METTL8: variants seen among roughly 807,000 people sequenced by gnomAD.
METTL8 encodes the protein tRNA N(3)-cytidine methyltransferase METTL8, mitochondrial.
Under a neutral mutation model 48.7 loss-of-function variants are expected in METTL8, and 32 were observed. That is an observed-to-expected ratio of 0.66 (90% CI 0.50 to 0.88). The LOEUF is 0.88. Among genes scored for constraint, METTL8 ranks in the 40% least tolerant of loss-of-function variants. METTL8 has a pLI of 0.00. For missense variants in METTL8, 464 were observed against 474.4 expected, an observed-to-expected ratio of 0.98 and a Z score of 0.20; for synonymous variants, 136 against 157.1, an observed-to-expected ratio of 0.87 and a Z score of 1.01.
intron 3 of METTL8, among the ~76,000 whole-genome samples, 189 bp from the exon 4 acceptor site, chr2:171,339,743 C>T (rs1304098271): frequency 1.3e-5 from 2 of 152,132 alleles, no homozygotes; most frequent in African/African-American, 4.8e-5. Context: ...TTAATTCTCT[C>T]AAAATGTGTC....
At position 171,356,956 on chromosome 2, in the gene METTL8, T is replaced by TTTTTTTTTTGTTTTG. The variant is rs1559101824; in HGVS notation, c.235+3465_235+3466insCAAAACAAAAAAAAA. ...TTAGCCTTGTTCAAAGACAATATTT[T>TTTTTTTTTTGTTTTG]TTTTTTTTTTTTTGAGACAGGGTCT... On this transcript the variant is annotated intron_variant, in intron 3 of 9. Coordinates refer to ENST00000375258, the MANE Select transcript of METTL8 (RefSeq NM_001321154.2). Among the ~76,000 whole-genome samples the TTTTTTTTTTGTTTTG allele has an allele frequency of 5.7e-5, 7 of 121,754 alleles. 1 individual carries two copies. The highest frequency in any genetic ancestry group is 1.2e-4 in the Non-Finnish European group (7 of 57,082). The allele number at this position is 121,754 out of a possible 152,430, so 79.9% of individuals were successfully genotyped here. A position where few individuals can be genotyped will look rare whatever the true frequency, so the allele number is the denominator to read the frequency against.
At position 171,330,542 on chromosome 2, in the gene METTL8, C is replaced by G. The variant is rs966617880; in HGVS notation, c.860+17G>C. ...AGGAGCTTTACACATCCACTTTGCCCTTTCGTCTTCATTTACCTGTCAGGA... is the reference window on the plus strand; with the variant it reads ...AGGAGCTTTACACATCCACTTTGCCGTTTCGTCTTCATTTACCTGTCAGGA... On this transcript the variant is annotated intron_variant, in intron 7 of 9. Coordinates refer to ENST00000375258, the MANE Select transcript of METTL8 (RefSeq NM_001321154.2). The G allele has an allele frequency of 1.6e-5, 25 of 1,610,214 alleles. No individual in the cohort carries two copies. Among genetic ancestry groups the G allele is most frequent in the Non-Finnish European group, 2.0e-5 (24 of 1,178,732 alleles).
intron 3 of METTL8, among the ~76,000 whole-genome samples, chr2:171,343,816 CATT>C (rs1419733854): frequency 6.6e-6 from 1 of 152,176 alleles, no homozygotes; most frequent in Non-Finnish European, 1.5e-5. Flanking sequence ...GAACATTAAA[CATT>C]ATCAGTTCTA....
At chr2:171,410,557 G>A (rs1690649136) in intron 1 of METTL8, among the ~76,000 whole-genome samples, 1 of 152,160 alleles carries the variant, frequency 6.6e-6, no homozygotes. Context: ...CAAAATAAGT[G>A]CTGTCCCTTC....
chr2:171,361,628 A>C (rs891034354), intron 2 of METTL8, among the ~76,000 whole-genome samples: 1 of 152,210 alleles, frequency 6.6e-6, no homozygotes, highest in Non-Finnish European at 1.5e-5. Context: ...ATAGGGTTAT[A>C]ATCATGTCCA....
chr2:171,434,306 G>A (rs1693590182), upstream of METTL8: 3 of 622,544 alleles, frequency 4.8e-6, no homozygotes, highest in East Asian at 1.1e-4. Context: ...CGCGGTACCG[G>A]AGCGTCGCAC....
intron 1 of METTL8, among the ~76,000 whole-genome samples, chr2:171,426,522 A>G (rs1195108271): frequency 6.6e-6 from 1 of 152,208 alleles, no homozygotes; most frequent in African/African-American, 2.4e-5. Context: ...TTATTTGTAT[A>G]TTATGCTATG....
chr2:171,343,773 G>A (rs1687009213), intron 3 of METTL8, among the ~76,000 whole-genome samples: 1 of 152,122 alleles, frequency 6.6e-6, no homozygotes, highest in Non-Finnish European at 1.5e-5. Flanking sequence ...AAAATTCTGT[G>A]TACTTTCCTA....
intron 3 of METTL8, among the ~76,000 whole-genome samples, chr2:171,345,263 C>G (rs1687154764): frequency 6.6e-6 from 1 of 152,112 alleles, no homozygotes; most frequent in Non-Finnish European, 1.5e-5. Context: ...AGAATTCATT[C>G]TGAATCACAC....
chr2:171,393,775 C>T (rs1458866277), intron 1 of METTL8, among the ~76,000 whole-genome samples: 1 of 152,138 alleles, frequency 6.6e-6, no homozygotes, highest in Non-Finnish European at 1.5e-5. Flanking sequence ...ATATACTGTG[C>T]ACTCTTTACC....
At chr2:171,405,542 T>A (rs971429326) in intron 1 of METTL8, among the ~76,000 whole-genome samples, 29 of 152,312 alleles carry the variant, frequency 1.9e-4, no homozygotes, top group African/African-American at 7.0e-4. Context: ...TGTAGATGAC[T>A]GACAGGCAGA....
At chr2:171,359,813 G>A (rs541909698) in intron 3 of METTL8, among the ~76,000 whole-genome samples, 5 of 151,958 alleles carry the variant, frequency 3.3e-5, no homozygotes, top group African/African-American at 1.2e-4. Context: ...AGGTTTTCTC[G>A]ATCTCTTGAC....
At chr2:171,387,097 A>G (rs1233644761) in intron 2 of METTL8, among the ~76,000 whole-genome samples, 1 of 140,192 alleles carries the variant, frequency 7.1e-6, no homozygotes, top group African/African-American at 2.7e-5. Flanking sequence ...TTCTTCCCAT[A>G]CACCAAGGCA....
At chr2:171,360,389 T>C (rs1399817173) in intron 3 of METTL8, 33 bp downstream of exon 3, 1 of 1,586,596 alleles carries the variant, frequency 6.3e-7, no homozygotes, top group Non-Finnish European at 8.6e-7. Context: ...ACTAAAGCTC[T>C]GGCTCTAGGA....
intron 2 of METTL8, among the ~76,000 whole-genome samples, chr2:171,363,815 T>TATATATATATATATATATATA (rs55780524): frequency 7.3e-6 from 1 of 136,820 alleles, no homozygotes; most frequent in Non-Finnish European, 1.6e-5. Context: ...TATATATATA[T>TATATATATATATATATATATA]CTTTTTTTTT....
At chr2:171,428,194 C>G (rs1277749270) in intron 1 of METTL8, among the ~76,000 whole-genome samples, 2 of 152,186 alleles carry the variant, frequency 1.3e-5, no homozygotes, top group African/African-American at 4.8e-5. Flanking sequence ...AATCATAAAA[C>G]TGTATCTATT....
intron 2 of METTL8, among the ~76,000 whole-genome samples, chr2:171,383,831 A>G (rs1311570920): frequency 6.6e-6 from 1 of 152,230 alleles, no homozygotes; most frequent in Non-Finnish European, 1.5e-5. Context: ...TTAAAAGACA[A>G]TAGGCAAAAT....
At chr2:171,327,409 GATT>G (rs947492306) in intron 7 of METTL8, among the ~76,000 whole-genome samples, 2 of 152,202 alleles carry the variant, frequency 1.3e-5, no homozygotes, top group Non-Finnish European at 2.9e-5. Flanking sequence ...GTACAAAATC[GATT>G]ATCAATGTCT....
chr2:171,364,183 T>C lies in METTL8; in HGVS notation c.144-3670A>G, dbSNP rs117643837. Among the ~76,000 whole-genome samples, 288 of 152,282 alleles carry C rather than the reference T, an allele frequency of 1.9e-3. 7 individuals are homozygous for C. The East Asian group carries it at 0.029, about 15-fold the overall frequency. On this transcript the variant is annotated intron_variant, in intron 2 of 9. Transcript: ENST00000375258. ...CACACAGGGTGAAGATTCTAAGTGG[T>C]GAACTAAAACCAATTATGTTTGAAT...
Sources: gnomAD v4.1 joint callset for allele counts (sites outside exome capture counted in the v4.1 genomes callset) on GRCh38, gnomAD v4.1.1 for gene constraint, MANE v1.5 for transcripts, NCBI Gene and HGNC (gene_info 2026-07-23, HGNC 2026-07-21) for gene names.